Variants in EML6 observed in about 807,000 individuals in gnomAD.
EML6 encodes echinoderm microtubule-associated protein-like 6.
Under a neutral mutation model 240.1 loss-of-function variants are expected in EML6, and 154 were observed. That is an observed-to-expected ratio of 0.64 (90% CI 0.56 to 0.73). The LOEUF (loss-of-function observed/expected upper bound fraction) is 0.73. EML6 is among the 30% of genes least tolerant of loss of function. EML6 has a pLI of 0.00. For missense variants in EML6, 2,964 were observed against 2,474.6 expected (o/e 1.20, Z -4.20); for synonymous variants, 1,148 against 899.0 (o/e 1.28, Z -4.95).
chr2:54,836,765 A>G (rs901132318), intron 7 of EML6, among the ~76,000 whole-genome samples: 5 of 151,972 alleles, frequency 3.3e-5, no homozygotes, highest in African/African-American at 9.7e-5. Context: ...TGGAATTCCT[A>G]ATCGTTTTTT....
chr2:54,934,923 TTAC>T (rs533466982), intron 28 of EML6, among the ~76,000 whole-genome samples: 60 of 152,322 alleles, frequency 3.9e-4, no homozygotes, highest in African/African-American at 1.3e-3. Context: ...ATTAAACAAA[TTAC>T]TATTTTATTT....
At chr2:54,908,318 T>C (rs1673456359) in intron 24 of EML6, among the ~76,000 whole-genome samples, 1 of 151,170 alleles carries the variant, frequency 6.6e-6, no homozygotes, top group African/African-American at 2.4e-5. Context: ...CAAGAGATCC[T>C]CTCACATCAG....
intron 12 of EML6, among the ~76,000 whole-genome samples, chr2:54,862,241 A>G (rs1249257040): frequency 1.4e-5 from 2 of 146,128 alleles, no homozygotes; most frequent in African/African-American, 5.1e-5. Flanking sequence ...GGGGAGGCTG[A>G]GGCAGGAGAA....
chr2:54,897,318 T>C (rs899719217), intron 21 of EML6, among the ~76,000 whole-genome samples: 2 of 152,234 alleles, frequency 1.3e-5, no homozygotes, highest in African/African-American at 4.8e-5. Flanking sequence ...TATTCTTTCC[T>C]ATGTTTGTTT....
At position 54,850,075 on chromosome 2, in the gene EML6, T is replaced by C; in HGVS notation, c.1301T>C (p.Val434Ala). 1 of 1,552,116 alleles carries C rather than the reference T, an allele frequency of 6.4e-7. No homozygotes were observed. Among genetic ancestry groups the C allele is most frequent in the Non-Finnish European group, 8.7e-7 (1 of 1,147,070 alleles). The change falls in exon 10 of 42, where the codon GTC becomes GCC. Residue 434 changes from valine to alanine, a missense_variant. By Grantham distance (64) the Val-to-Ala change is moderately conservative (BLOSUM62 0). Coordinates refer to ENST00000356458, the MANE Select transcript of EML6 (RefSeq NM_001039753.4). Reference protein sequence around the residue: ...AVGSNDGPVDVYAVAQRYKKI... With the variant: ...AVGSNDGPVDAYAVAQRYKKI... The stretch of plus-strand genomic sequence containing the variant: ...GGATCCAATGATGGCCCAGTAGATG[T>C]CTATGCTGTTGCCCAGAGGTATAAG...
intron 24 of EML6, among the ~76,000 whole-genome samples, chr2:54,907,905 TAGA>T (rs1243028311): frequency 1.6e-4 from 6 of 37,502 alleles, no homozygotes; most frequent in South Asian, 1.5e-3. Context: ...ATAGATTAGA[TAGA>T]TAGATAGATA....
intron 2 of EML6, among the ~76,000 whole-genome samples, chr2:54,783,997 G>A (rs1221488863): frequency 6.6e-6 from 1 of 152,100 alleles, no homozygotes; most frequent in East Asian, 1.9e-4. Flanking sequence ...TGCCCAGGCT[G>A]GAGTACAGTC....
At chr2:54,832,143 T>G (rs777937577) in intron 7 of EML6, among the ~76,000 whole-genome samples, 3 of 152,124 alleles carry the variant, frequency 2.0e-5, no homozygotes, top group Non-Finnish European at 4.4e-5. Flanking sequence ...GAAAAAACAA[T>G]GTACATGTAG....
At chr2:54,939,029 C>A (rs1361620860) in intron 28 of EML6, among the ~76,000 whole-genome samples, 1 of 152,234 alleles carries the variant, frequency 6.6e-6, no homozygotes, top group Non-Finnish European at 1.5e-5. Context: ...ACTGCTTTAT[C>A]TCTATAATCT....
At chr2:54,907,623 T>C (rs895879942) in intron 24 of EML6, among the ~76,000 whole-genome samples, 1 of 152,234 alleles carries the variant, frequency 6.6e-6, no homozygotes, top group South Asian at 2.1e-4. Flanking sequence ...TTATTCTAAC[T>C]TGTAAATTAT....
intron 2 of EML6, among the ~76,000 whole-genome samples, chr2:54,807,634 C>A (rs1214779498): frequency 1.6e-4 from 24 of 152,114 alleles, no homozygotes. Flanking sequence ...GGTATTTCTA[C>A]CATATGGATA....
At chr2:54,824,440 C>G (rs1483469921) in intron 5 of EML6, among the ~76,000 whole-genome samples, 1 of 152,134 alleles carries the variant, frequency 6.6e-6, no homozygotes, top group African/African-American at 2.4e-5. Context: ...TCTGTATTCT[C>G]TATATCCAAT....
At chr2:54,879,294 C>G (rs1671693618) in intron 16 of EML6, among the ~76,000 whole-genome samples, 1 of 152,220 alleles carries the variant, frequency 6.6e-6, no homozygotes, top group Non-Finnish European at 1.5e-5. Flanking sequence ...TCTAGTCATG[C>G]ATTTCATTCA....
intron 2 of EML6, among the ~76,000 whole-genome samples, chr2:54,778,417 C>A (rs528573695): frequency 8.5e-5 from 13 of 152,250 alleles, no homozygotes; most frequent in African/African-American, 3.1e-4. Context: ...TTGTACCCCC[C>A]TCCCAAACTG....
intron 28 of EML6, among the ~76,000 whole-genome samples, chr2:54,947,654 C>G (rs1162784718): frequency 4.6e-5 from 7 of 152,190 alleles, no homozygotes; most frequent in Non-Finnish European, 1.0e-4. Context: ...CATTGTTTTT[C>G]TGACAGCAAG....
chr2:54,958,063 G>A, intron 33 of EML6, 65 bp downstream of exon 33: 1 of 1,394,686 alleles, frequency 7.2e-7, no homozygotes, highest in Non-Finnish European at 9.7e-7. Flanking sequence ...CATGGGCATG[G>A]GCAGGAGGGG....
chr2:54,847,176 G>A (rs528367103), intron 8 of EML6, among the ~76,000 whole-genome samples: 1 of 152,238 alleles, frequency 6.6e-6, no homozygotes, highest in Admixed American at 6.5e-5. Context: ...CCAAAGTGCT[G>A]GGATGACAGG....
chr2:54,812,163 A>G (rs1667879685), intron 2 of EML6, among the ~76,000 whole-genome samples: 1 of 152,182 alleles, frequency 6.6e-6, no homozygotes, highest in Admixed American at 6.5e-5. Flanking sequence ...GATTGACTAT[A>G]TCATCTATTT....
chr2:54,818,410 C>T, intron 4 of EML6, among the ~76,000 whole-genome samples: 1 of 152,212 alleles, frequency 6.6e-6, no homozygotes, highest in East Asian at 1.9e-4. Context: ...TGGCAGCCAG[C>T]TTCAGCCAAT....
Sources: gnomAD v4.1 joint callset for allele counts (sites outside exome capture counted in the v4.1 genomes callset) on GRCh38, gnomAD v4.1.1 for gene constraint, MANE v1.5 for transcripts, NCBI Gene and HGNC (gene_info 2026-07-23, HGNC 2026-07-21) for gene names.